CPLX2: variants seen among roughly 807,000 people sequenced by gnomAD.
CPLX2 encodes the protein complexin 2.
Under a neutral mutation model 16.3 loss-of-function variants are expected in CPLX2, and 5 were observed. The observed-to-expected ratio is 0.31, with a 90% CI of 0.16 to 0.64. The LOEUF (loss-of-function observed/expected upper bound fraction) is 0.64. Ranked by LOEUF, CPLX2 falls within the 30% of genes least tolerant of loss-of-function variation. The pLI, the probability that CPLX2 is intolerant of heterozygous loss-of-function variation, is 0.79. For missense variants in CPLX2, 144 were observed against 181.4 expected (o/e 0.79, Z 1.18); for synonymous variants, 89 against 73.2 (o/e 1.22, Z -1.10).
chr5:175,818,694 C>T (rs182891940), intron 2 of CPLX2, among the ~76,000 whole-genome samples: 1,108 of 106,164 alleles, frequency 0.01, 11 homozygotes, highest in African/African-American at 0.038. Flanking sequence ...CAGAGTCTTG[C>T]TCTGTCACCT....
intron 1 of CPLX2, among the ~76,000 whole-genome samples, chr5:175,873,556 A>G (rs542541799): frequency 1.3e-5 from 2 of 152,284 alleles, no homozygotes; most frequent in East Asian, 3.9e-4. Context: ...GAGGCAGGCA[A>G]TACTGCCCCC....
At chr5:175,828,027 CAT>C (rs1359155357) in intron 2 of CPLX2, among the ~76,000 whole-genome samples, 1 of 152,192 alleles carries the variant, frequency 6.6e-6, no homozygotes, top group African/African-American at 2.4e-5. Context: ...CACTTCACTG[CAT>C]ATGTTTTTCT....
intron 2 of CPLX2, among the ~76,000 whole-genome samples, chr5:175,863,885 G>A (rs890814749): frequency 6.6e-6 from 1 of 152,128 alleles, no homozygotes; most frequent in Non-Finnish European, 1.5e-5. Flanking sequence ...AAGAAAAGGG[G>A]TAAAAAGAAG....
At chr5:175,819,262 G>A (rs1347761638) in intron 2 of CPLX2, among the ~76,000 whole-genome samples, 1 of 152,204 alleles carries the variant, frequency 6.6e-6, no homozygotes. Context: ...TTTATGCCAA[G>A]GAGTGGAGTT....
intron 1 of CPLX2, among the ~76,000 whole-genome samples, chr5:175,799,408 CA>C (rs1274217872): frequency 6.6e-6 from 1 of 151,748 alleles, no homozygotes; most frequent in African/African-American, 2.4e-5. Flanking sequence ...CTTAAGATCC[CA>C]TTTTCTTCTC....
At position 175,830,748 on chromosome 5, in the gene CPLX2, C is replaced by T. The variant is rs190863921; in HGVS notation, c.-89+21680C>T. ...GGCAGTAACCTGGGAGATGAGTCTC[C>T]CTCCAGATCCTCACCCCTGTGGGCT... On this transcript the variant is annotated intron_variant, in intron 2 of 4. Transcript: ENST00000359546. This position sits in a 1 kb window ranked among gnomAD's most constrained non-coding sequence, Gnocchi z 4.0. Among the ~76,000 whole-genome samples, 23 of 152,316 alleles carry T rather than the reference C, an allele frequency of 1.5e-4. No homozygotes were observed. The highest frequency in any genetic ancestry group is 1.4e-3 in the Admixed American group (22 of 15,308).
At chr5:175,865,656 T>G (rs556370849) in intron 2 of CPLX2, among the ~76,000 whole-genome samples, 2 of 152,230 alleles carry the variant, frequency 1.3e-5, no homozygotes, top group African/African-American at 4.8e-5. Flanking sequence ...TCCTAAAATA[T>G]TCTATGGCTC....
In CPLX2 at chr5:175,836,165, A is replaced by C. The variant is rs1165856791; in HGVS notation, c.-89+27097A>C. 4.4e-4 allele frequency among the ~76,000 whole-genome samples: 67 copies of C among 152,106 alleles called. 1 individual carries two copies. The highest frequency in any genetic ancestry group is 4.1e-3 in the Admixed American group (62 of 15,276). On this transcript the variant is annotated intron_variant, in intron 2 of 4. Transcript: ENST00000359546. ...GGAGATCGAAACCATCCTGGCTAAC[A>C]CGGTGAAACCCCGTCTCTACTAAAA...
intron 2 of CPLX2, among the ~76,000 whole-genome samples, chr5:175,838,469 C>T (rs1442383157): frequency 3.3e-5 from 5 of 151,952 alleles, no homozygotes; most frequent in Non-Finnish European, 5.9e-5. Context: ...GGGGTTTCAC[C>T]GTGTTAGCCA....
chr5:175,838,995 C>A (rs891770830), intron 2 of CPLX2, among the ~76,000 whole-genome samples: 3 of 152,168 alleles, frequency 2.0e-5, no homozygotes, highest in South Asian at 4.1e-4. Context: ...TGCTGTCTGA[C>A]CAGAGAACAC....
intron 2 of CPLX2, among the ~76,000 whole-genome samples, chr5:175,827,823 A>G (rs1758647345): frequency 6.6e-6 from 1 of 152,114 alleles, no homozygotes; most frequent in Admixed American, 6.5e-5. Context: ...GACCTTGTGC[A>G]CATTTACAAA....
chr5:175,825,909 C>T lies in CPLX2; in HGVS notation c.-89+16841C>T, dbSNP rs994667964. On this transcript the variant is annotated intron_variant, in intron 2 of 4. Transcript: ENST00000359546. ...TGGAGTAATTGACTCTCTGGTTTCC[C>T]CTGGAAGTGGTTTTAAATGAATAAG... Among the ~76,000 whole-genome samples the T allele has an allele frequency of 4.0e-5, 5 of 126,416 alleles. No individual in the cohort carries two copies. The East Asian group carries it at 1.1e-3, about 28-fold the overall frequency. 82.9% of individuals were successfully genotyped at this position (126,416 alleles called of 152,430 possible). A position where few individuals can be genotyped will look rare whatever the true frequency, so the allele number is the denominator to read the frequency against.
At chr5:175,865,677 T>A (rs1759461579) in intron 2 of CPLX2, among the ~76,000 whole-genome samples, 1 of 152,176 alleles carries the variant, frequency 6.6e-6, no homozygotes, top group East Asian at 1.9e-4. Context: ...CACGATCCAG[T>A]TTTTCTGTAA....
intron 2 of CPLX2, among the ~76,000 whole-genome samples, chr5:175,839,800 C>A (rs890355267): frequency 2.6e-5 from 4 of 152,230 alleles, no homozygotes; most frequent in Non-Finnish European, 4.4e-5. Flanking sequence ...TGGAATTACT[C>A]TGAAAAACTT....
At chr5:175,862,337 T>C (rs1001647877) in intron 2 of CPLX2, among the ~76,000 whole-genome samples, 5 of 152,226 alleles carry the variant, frequency 3.3e-5, no homozygotes, top group African/African-American at 1.2e-4. Flanking sequence ...CATGGGTGCA[T>C]GGGTAGTTCC....
intron 3 of CPLX2, 26 bp from the exon 4 acceptor site, chr5:175,879,822 C>A: frequency 6.3e-7 from 1 of 1,594,202 alleles, no homozygotes; most frequent in Non-Finnish European, 8.5e-7. Context: ...CCGCTTCATG[C>A]GCGTCTCTGC....
intron 3 of CPLX2, 152 bp downstream of exon 3, chr5:175,879,235 A>C: frequency 1.3e-6 from 1 of 790,844 alleles, no homozygotes; most frequent in South Asian, 1.9e-5. Context: ...CGGGTATCAC[A>C]AGGTCACCTC....
At chr5:175,828,064 T>G (rs1758652572) in intron 2 of CPLX2, among the ~76,000 whole-genome samples, 1 of 152,220 alleles carries the variant, frequency 6.6e-6, no homozygotes, top group Non-Finnish European at 1.5e-5. Flanking sequence ...TTTATTTGCT[T>G]TTAGATTAAC....
chr5:175,874,826 AGTTT>A (rs1379653486), intron 1 of CPLX2, among the ~76,000 whole-genome samples: 1 of 151,950 alleles, frequency 6.6e-6, no homozygotes, highest in Non-Finnish European at 1.5e-5. Context: ...AGGAGGGGAG[AGTTT>A]GTTTGGAGAC....
Sources: gnomAD v4.1 joint callset for allele counts (sites outside exome capture counted in the v4.1 genomes callset) on GRCh38, gnomAD v4.1.1 for gene constraint, Gnocchi (gnomAD v3.1) non-coding constraint, MANE v1.5 for transcripts, NCBI Gene and HGNC (gene_info 2026-07-23, HGNC 2026-07-21) for gene names.